KIAA1549L: variants seen among roughly 807,000 people sequenced by gnomAD.
KIAA1549L encodes the protein KIAA1549 like, also known as UPF0606 protein KIAA1549L.
A neutral mutation model predicts 160.7 loss-of-function variants in KIAA1549L; 88 were observed. The observed-to-expected ratio is 0.55, with a 90% confidence interval of 0.46 to 0.65. The LOEUF is 0.65. Ranked by LOEUF, KIAA1549L falls within the 30% of genes least tolerant of loss-of-function variation. The pLI, the probability that KIAA1549L is intolerant of heterozygous loss-of-function variation, is 0.00. For synonymous variants in KIAA1549L, 950 were observed against 976.7 expected, an observed-to-expected ratio of 0.97 and a Z score of 0.51; for missense variants, 2,258 against 2,437.5, an observed-to-expected ratio of 0.93 and a Z score of 1.55.
chr11:33,476,269 A>G (rs1019819193), intron 1 of KIAA1549L, among the ~76,000 whole-genome samples: 1 of 152,082 alleles, frequency 6.6e-6, no homozygotes, highest in Admixed American at 6.5e-5. Flanking sequence ...AGACATCGAG[A>G]TGAATGAATG....
chr11:33,574,636 CACCTG>C (rs1479343952), intron 9 of KIAA1549L, 61 bp from the exon 10 acceptor site: 1 of 1,468,156 alleles, frequency 6.8e-7, no homozygotes, highest in Non-Finnish European at 9.3e-7. Flanking sequence ...ATCTGCTGAT[CACCTG>C]GGTGATTGCA....
chr11:33,668,248 T>C lies in KIAA1549L; in HGVS notation c.*94T>C. On this transcript the variant is annotated 3_prime_UTR_variant, in exon 21 of 21. Coordinates refer to ENST00000658780, the MANE Select transcript of KIAA1549L (RefSeq NM_012194.3). ...CGTGTTAGGACTTGAGACATAGCAA[T>C]GGGTGAGTCTTTCTCACCCTCCATT... 8.6e-7 allele frequency: 1 copy of C among 1,156,966 alleles called. No individual in the cohort carries two copies. The highest frequency in any genetic ancestry group is 2.4e-5 in the Admixed American group (1 of 42,140). 71.7% of individuals were successfully genotyped at this position (1,156,966 alleles called of 1,614,324 possible). A position where few individuals can be genotyped will look rare whatever the true frequency, so the allele number is the denominator to read the frequency against.
chr11:33,552,687 C>T (rs1854504299), intron 6 of KIAA1549L, among the ~76,000 whole-genome samples: 1 of 148,550 alleles, frequency 6.7e-6, no homozygotes, highest in African/African-American at 2.6e-5. Flanking sequence ...CACACACACA[C>T]ACACACACAC....
chr11:33,640,317 C>T (rs1307585531), intron 16 of KIAA1549L, among the ~76,000 whole-genome samples: 1 of 152,190 alleles, frequency 6.6e-6, no homozygotes, highest in East Asian at 1.9e-4. Flanking sequence ...AAGGCAAATA[C>T]ATCATACTCA....
chr11:33,618,891 T>G (rs1363013919), intron 16 of KIAA1549L, among the ~76,000 whole-genome samples: 1 of 152,268 alleles, frequency 6.6e-6, no homozygotes, highest in African/African-American at 2.4e-5. Context: ...TGCCATGTTA[T>G]GAATAGCACA....
chr11:33,609,631 G>A, intron 14 of KIAA1549L, 118 bp from the exon 15 acceptor site: 1 of 751,880 alleles, frequency 1.3e-6, no homozygotes, highest in Non-Finnish European at 2.3e-6. Context: ...GGCTAGCTCA[G>A]AGGCCCGGAG....
intron 1 of KIAA1549L, among the ~76,000 whole-genome samples, chr11:33,488,122 A>C (rs1331024168): frequency 6.6e-6 from 1 of 152,188 alleles, no homozygotes; most frequent in Admixed American, 6.5e-5. Context: ...GAATCTTAGC[A>C]CTTCTAAATA....
chr11:33,426,396 C>G (rs774194944), intron 1 of KIAA1549L, among the ~76,000 whole-genome samples: 16 of 152,060 alleles, frequency 1.1e-4, no homozygotes, highest in Non-Finnish European at 1.9e-4. Flanking sequence ...CTAGAAAGAC[C>G]AATTTTCTGA....
At position 33,673,180 on chromosome 11, in the gene KIAA1549L, G is replaced by A. The variant is rs1243589540; in HGVS notation, c.*5026G>A. The A allele has an allele frequency of 1.3e-5, 2 of 151,298 alleles. No individual in the cohort carries two copies. Among genetic ancestry groups the A allele is most frequent in the Non-Finnish European group, 2.9e-5 (2 of 67,920 alleles). The allele number at this position is 151,298 out of a possible 1,614,324, so 9.4% of individuals were successfully genotyped here. On this transcript the variant is annotated 3_prime_UTR_variant, in exon 21 of 21. Transcript: ENST00000658780. The stretch of plus-strand genomic sequence containing the variant: ...GAAGATATGCAGTTGCTCTGATTCT[G>A]CAGGTTTAAAAAAAATGGGAAGTTT...
chr11:33,496,985 A>G (rs79214138), intron 1 of KIAA1549L, among the ~76,000 whole-genome samples: 2,054 of 152,186 alleles, frequency 0.013, 30 homozygotes, highest in Non-Finnish European at 0.019. Context: ...TGCAACTGGT[A>G]TTCTTTCTGC....
At chr11:33,633,546 G>A (rs1001940615) in intron 16 of KIAA1549L, among the ~76,000 whole-genome samples, 1 of 152,064 alleles carries the variant, frequency 6.6e-6, no homozygotes, top group Non-Finnish European at 1.5e-5. Context: ...GCTAACTCAC[G>A]GGAGAGATCC....
At chr11:33,500,079 A>G (rs1040478821) in intron 1 of KIAA1549L, among the ~76,000 whole-genome samples, 2 of 152,098 alleles carry the variant, frequency 1.3e-5, no homozygotes, top group South Asian at 2.1e-4. Context: ...GTTGCCTTCT[A>G]CCTCTCACTC....
At chr11:33,578,986 C>T (rs920524789) in intron 10 of KIAA1549L, among the ~76,000 whole-genome samples, 1 of 152,218 alleles carries the variant, frequency 6.6e-6, no homozygotes, top group Non-Finnish European at 1.5e-5. Context: ...CCACCCTTCA[C>T]CAGATGCCTC....
chr11:33,487,265 G>A (rs981460420), intron 1 of KIAA1549L, among the ~76,000 whole-genome samples: 1 of 152,100 alleles, frequency 6.6e-6, no homozygotes, highest in Non-Finnish European at 1.5e-5. Flanking sequence ...AGACTCTTGC[G>A]GATCATGGAG....
At chr11:33,397,891 C>T (rs1850418528) in intron 1 of KIAA1549L, among the ~76,000 whole-genome samples, 1 of 141,684 alleles carries the variant, frequency 7.1e-6, no homozygotes, top group African/African-American at 2.6e-5. Context: ...GGTTGGAACA[C>T]TGAAAGTTCC....
intron 9 of KIAA1549L, among the ~76,000 whole-genome samples, chr11:33,570,389 C>A (rs1243867934): frequency 6.6e-6 from 1 of 152,126 alleles, no homozygotes; most frequent in African/African-American, 2.4e-5. Context: ...TTTATTTCTG[C>A]AAATCCCTGA....
At chr11:33,642,961 A>G (rs952225614) in intron 16 of KIAA1549L, among the ~76,000 whole-genome samples, 32 of 152,318 alleles carry the variant, frequency 2.1e-4, no homozygotes, top group African/African-American at 6.7e-4. Context: ...GGGTTCAGGG[A>G]GTATCCAGTC....
intron 1 of KIAA1549L, among the ~76,000 whole-genome samples, chr11:33,394,345 C>T (rs1367525190): frequency 6.6e-6 from 1 of 151,990 alleles, no homozygotes; most frequent in Non-Finnish European, 1.5e-5. Flanking sequence ...GAGATCATGC[C>T]ACTACACCCC....
chr11:33,622,364 GC>G (rs1382866176), intron 16 of KIAA1549L, among the ~76,000 whole-genome samples: 1 of 152,188 alleles, frequency 6.6e-6, no homozygotes, highest in Non-Finnish European at 1.5e-5. Context: ...AGACCACAGG[GC>G]TGGCCCTGAG....
Sources: allele counts gnomAD v4.1 joint callset (sites outside exome capture counted in the v4.1 genomes callset), GRCh38; gene constraint gnomAD v4.1.1; transcripts MANE v1.5; gene names NCBI Gene and HGNC (gene_info 2026-07-23, HGNC 2026-07-21).